Variants in CEMIP observed in about 807,000 individuals in gnomAD.
CEMIP encodes the protein cell migration-inducing and hyaluronan-binding protein.
CEMIP carries 105 observed loss-of-function variants against 156.9 expected under a neutral mutation model. The observed-to-expected ratio is 0.67, with a 90% CI of 0.57 to 0.79. The LOEUF is 0.79. Among genes scored for constraint, CEMIP ranks in the 30% least tolerant of loss-of-function variants. The pLI is 0.00. For missense variants in CEMIP, 1,457 were observed against 1,769.4 expected (o/e 0.82, Z 3.17); for synonymous variants, 676 against 668.4 (o/e 1.01, Z -0.17).
At chr15:80,873,797 G>A (rs1898373646) in intron 2 of CEMIP, 67 bp from the exon 3 acceptor site, 3 of 1,128,408 alleles carry the variant, frequency 2.7e-6, no homozygotes, top group Non-Finnish European at 3.9e-6. Context: ...TTATCTCCAT[G>A]TCGGCCCTGT....
At chr15:80,888,591 A>T in intron 8 of CEMIP, 110 bp from the exon 9 acceptor site, 1 of 788,164 alleles carries the variant, frequency 1.3e-6, no homozygotes, top group Non-Finnish European at 2.2e-6. Context: ...AATATTTTTA[A>T]AGAAATGAGT....
At chr15:80,896,371 A>G (rs1055815774) in intron 12 of CEMIP, 7 of 530,454 alleles carry the variant, frequency 1.3e-5, no homozygotes, top group African/African-American at 1.1e-4. Flanking sequence ...CCTAGTGGTG[A>G]GCAGAAACAC....
At chr15:80,866,894 A>G (rs929320781) in intron 1 of CEMIP, among the ~76,000 whole-genome samples, 29 of 152,018 alleles carry the variant, frequency 1.9e-4, no homozygotes, top group Admixed American at 1.8e-3. Flanking sequence ...AAGAAGGAAT[A>G]CATGGGCCTA....
At position 80,922,033 on chromosome 15, in the gene CEMIP, C is replaced by T; in HGVS notation, c.2098C>T (p.His700Tyr). 1 of 1,614,228 alleles carries T rather than the reference C, an allele frequency of 6.2e-7. No individual in the cohort carries two copies. Among genetic ancestry groups the T allele is most frequent in the Non-Finnish European group, 8.5e-7 (1 of 1,180,024 alleles). The change falls in exon 17 of 30, where the codon CAC becomes TAC. Residue 700 changes from histidine to tyrosine, a missense_variant. By Grantham distance (83) the His-to-Tyr change is moderately conservative. Around this residue, in one of 5 missense-constraint regions of CEMIP, gnomAD observed 798 missense variants for 980.1 expected, o/e 0.81. Transcript: ENST00000394685. ...GGAAACTGGATTTTGGTTTATTTTTCACCACGTACCAACGGGCCCCTCCGT... is the reference window on the plus strand; with the variant it reads ...GGAAACTGGATTTTGGTTTATTTTTTACCACGTACCAACGGGCCCCTCCGT... ...SEETGFWFIF[H>Y]HVPTGPSVGM... is the part of the protein sequence containing the mutation.
chr15:80,911,527 C>CCACACACACACACACA (rs10596688), intron 14 of CEMIP, among the ~76,000 whole-genome samples: 1 of 148,970 alleles, frequency 6.7e-6, no homozygotes, highest in Non-Finnish European at 1.5e-5. Context: ...GGAAAATACA[C>CCACACACACACACACA]CACACACACA....
chr15:80,841,027 G>A (rs960465863), intron 1 of CEMIP, among the ~76,000 whole-genome samples: 10 of 152,274 alleles, frequency 6.6e-5, no homozygotes, highest in African/African-American at 2.4e-4. Flanking sequence ...CCACGGCCAG[G>A]GACAGCTTGA....
chr15:80,921,832 C>T (rs532802757), intron 16 of CEMIP, among the ~76,000 whole-genome samples, 177 bp from the exon 17 acceptor site: 69 of 152,358 alleles, frequency 4.5e-4, no homozygotes, highest in African/African-American at 1.6e-3. Flanking sequence ...CTACTTTTCA[C>T]TGTTTTCCCC....
chr15:80,940,971 C>T (rs1334682983), intron 25 of CEMIP, among the ~76,000 whole-genome samples: 3 of 152,300 alleles, frequency 2.0e-5, no homozygotes, highest in African/African-American at 7.2e-5. Context: ...AAGCACCACC[C>T]GGTGGTGGAC....
intron 12 of CEMIP, among the ~76,000 whole-genome samples, chr15:80,903,548 T>C (rs748655292): frequency 3.3e-5 from 5 of 151,730 alleles, no homozygotes; most frequent in Non-Finnish European, 5.9e-5. Flanking sequence ...TATGTGGGAG[T>C]GATGAGATGA....
chr15:80,932,087 G>A lies in CEMIP; in HGVS notation c.2793+48G>A, dbSNP rs1596202110. The A allele has an allele frequency of 1.9e-6, 3 of 1,600,008 alleles. No homozygotes were observed. The highest frequency in any genetic ancestry group is 4.5e-5 in the East Asian group (2 of 44,844). ...CTCCCGGCAAACCCAGACTTTGGAT[G>A]GTGATTCACAAGTCCCCTGGGTCCC... On this transcript the variant is annotated intron_variant, in intron 22 of 29. Transcript: ENST00000394685. The surrounding 1 kb of genome is among the most constrained non-coding windows in gnomAD (Gnocchi z 4.5).
chr15:80,897,175 C>A (rs991583569), intron 12 of CEMIP: 1 of 441,204 alleles, frequency 2.3e-6, no homozygotes, highest in African/African-American at 2.0e-5. Flanking sequence ...TGCTACAGGA[C>A]CATACCACCT....
At chr15:80,902,832 A>G (rs1328775711) in intron 12 of CEMIP, among the ~76,000 whole-genome samples, 1 of 152,170 alleles carries the variant, frequency 6.6e-6, no homozygotes, top group Non-Finnish European at 1.5e-5. Context: ...GGTGCTAGTG[A>G]CAGCTGCAGG....
At chr15:80,926,819 T>TCG (rs1555436824) in intron 19 of CEMIP, among the ~76,000 whole-genome samples, 258 of 23,302 alleles carry the variant, frequency 0.011, 2 homozygotes, top group Admixed American at 0.11. Context: ...ACTGAGCGGG[T>TCG]GGGGGGGGGG....
intron 1 of CEMIP, among the ~76,000 whole-genome samples, chr15:80,871,105 A>G (rs1416464780): frequency 6.6e-6 from 1 of 152,214 alleles, no homozygotes; most frequent in African/African-American, 2.4e-5. Flanking sequence ...TTTAATGGCC[A>G]ATGGAGAATG....
At position 80,924,668 on chromosome 15, in the gene CEMIP, C is replaced by G; in HGVS notation, c.2250C>G (p.Ala750=). 6.2e-7 allele frequency: 1 copy of G among 1,614,196 alleles called. No individual in the cohort carries two copies. Among genetic ancestry groups the G allele is most frequent in the Admixed American group, 1.7e-5 (1 of 60,032 alleles). Reference sequence around the variant, plus strand: ...GAGTCAAAACCACCGAGGCCTCTGCCAAGGACAAGCGGCCGTTCCTCTCAA... The same window carrying G: ...GAGTCAAAACCACCGAGGCCTCTGCGAAGGACAAGCGGCCGTTCCTCTCAA... The part of the protein sequence containing the change: ...DNGVKTTEAS[A]KDKRPFLSII... The change falls in exon 18 of 30, where the codon GCC becomes GCG. Residue 750 remains alanine (A), a synonymous_variant. Transcript: ENST00000394685.
At chr15:80,794,331 C>A (rs1019950087) in intron 1 of CEMIP, among the ~76,000 whole-genome samples, 2 of 152,038 alleles carry the variant, frequency 1.3e-5, no homozygotes, top group Non-Finnish European at 2.9e-5. Context: ...TCATTTATTC[C>A]CTCATTTAGC....
Position 80,797,656 on chromosome 15 carries a change from C to A in CEMIP, c.-176+18042C>A, listed in dbSNP as rs1251916584. On this transcript the variant is annotated intron_variant, in intron 1 of 29. Transcript: ENST00000394685. ...AACGTACAAAAACTAACACACGGTT[C>A]TTTAGCTCCTCTCCTCTGCTGCAGT... Among the ~76,000 whole-genome samples the A allele has an allele frequency of 5.1e-4, 4 of 7,868 alleles. No homozygotes were observed. The Non-Finnish European group carries it at 0.012, about 24-fold the overall frequency. The allele number at this position is 7,868 out of a possible 152,430, so 5.2% of individuals were successfully genotyped here. A position where few individuals can be genotyped will look rare whatever the true frequency, so the allele number is the denominator to read the frequency against.
intron 1 of CEMIP, among the ~76,000 whole-genome samples, chr15:80,797,731 A>G (rs1412188911): frequency 6.6e-6 from 1 of 152,212 alleles, no homozygotes; most frequent in Admixed American, 6.5e-5. Context: ...TTAGGTGCCC[A>G]TAACAGCCCA....
intron 14 of CEMIP, 50 bp downstream of exon 14, chr15:80,909,356 T>A (rs777550705): frequency 1.3e-6 from 2 of 1,577,206 alleles, no homozygotes; most frequent in South Asian, 1.1e-5. Context: ...CATGGATGGT[T>A]AGCACTGGAG....
Sources: allele counts gnomAD v4.1 joint callset (sites outside exome capture counted in the v4.1 genomes callset), GRCh38; gene constraint gnomAD v4.1.1; regional missense constraint gnomAD v4.1.1; non-coding constraint Gnocchi (gnomAD v3.1); transcripts MANE v1.5; gene names NCBI Gene and HGNC (gene_info 2026-07-23, HGNC 2026-07-21).